Variants in CLNK observed in about 807,000 individuals in gnomAD.
CLNK encodes the protein cytokine-dependent hematopoietic cell linker.
A neutral mutation model predicts 68.6 loss-of-function variants in CLNK; 74 were observed. That is an observed-to-expected ratio of 1.08 (90% CI 0.89 to 1.31). CLNK has a LOEUF of 1.31. Ranked by LOEUF, CLNK falls within the 50% of genes most tolerant of loss-of-function variation. The pLI, the probability that CLNK is intolerant of heterozygous loss-of-function variation, is 0.00. For missense variants in CLNK, 553 were observed against 515.3 expected, an observed-to-expected ratio of 1.07 and a Z score of -0.71; for synonymous variants, 198 against 172.2, an observed-to-expected ratio of 1.15 and a Z score of -1.17.
At chr4:10,654,405 A>ATATATATATATATAT (rs1367370247) in intron 2 of CLNK, among the ~76,000 whole-genome samples, 22 of 117,050 alleles carry the variant, frequency 1.9e-4, no homozygotes, top group Non-Finnish European at 2.9e-4. Context: ...ATATATATAG[A>ATATATATATATATAT]AAGTCTCTTG....
rs143468120 is a variant in CLNK, at chr4:10,587,420, G to C, written c.84-2465C>G. On this transcript the variant is annotated intron_variant, in intron 3 of 18. Transcript: ENST00000226951. ...GCTACTTCGGTGAGCTTACTTGTTT[G>C]TGCCTTTAATAATCCCAGGCCTCTG... Among the ~76,000 whole-genome samples, 753 of 152,300 alleles carry C rather than the reference G, an allele frequency of 4.9e-3. 6 individuals are homozygous for C. Among genetic ancestry groups the C allele is most frequent in the African/African-American group, 0.018 (740 of 41,564 alleles).
intron 18 of CLNK, among the ~76,000 whole-genome samples, chr4:10,494,485 T>A (rs1716723360): frequency 6.9e-6 from 1 of 145,276 alleles, no homozygotes; most frequent in African/African-American, 2.5e-5. Context: ...TGAGATGGAG[T>A]CTCACTCTGT....
At chr4:10,690,333 C>G in the CLNK span, among the ~76,000 whole-genome samples, 1,385 of 152,236 alleles carry the variant, frequency 9.1e-3, 23 homozygotes, top group African/African-American at 0.032. Context: ...CCGGCAGAGG[C>G]AAAGGGGCAT....
the CLNK span, among the ~76,000 whole-genome samples, chr4:10,724,482 G>GTTT: frequency 8.4e-3 from 1,230 of 146,444 alleles, 13 homozygotes; most frequent in African/African-American, 0.019. Context: ...TTTTTAGTTA[G>GTTT]TTTTTTTTTT....
intron 2 of CLNK, among the ~76,000 whole-genome samples, chr4:10,633,071 G>T (rs964284620): frequency 3.3e-5 from 5 of 152,138 alleles, no homozygotes; most frequent in Non-Finnish European, 7.3e-5. Context: ...CTGAGTATCT[G>T]GGATTACAGG....
rs541816436 is a variant in CLNK at position 10,558,293 on chromosome 4, T to G, written c.445+114A>C. 6 of 810,820 alleles carry G rather than the reference T, an allele frequency of 7.4e-6. No homozygotes were observed. In the East Asian group the frequency reaches 1.2e-4, roughly 17 times the overall value. 50.2% of individuals were successfully genotyped at this position (810,820 alleles called of 1,614,324 possible). Reference sequence around the variant, plus strand: ...AGTTATTTCCTGAAGTGTAATTCAATAGATCACCTTGTGTAAGATCACCCA... The same window carrying G: ...AGTTATTTCCTGAAGTGTAATTCAAGAGATCACCTTGTGTAAGATCACCCA... On this transcript the variant is annotated intron_variant, in intron 8 of 18. Transcript: ENST00000226951.
At chr4:10,502,037 T>G (rs1313733177) in intron 17 of CLNK, among the ~76,000 whole-genome samples, 1 of 152,226 alleles carries the variant, frequency 6.6e-6, no homozygotes, top group African/African-American at 2.4e-5. Context: ...GATCTCTCAT[T>G]GCTCCTGCAG....
chr4:10,501,892 A>T (rs1221802812), intron 17 of CLNK, among the ~76,000 whole-genome samples: 1 of 152,238 alleles, frequency 6.6e-6, no homozygotes, highest in African/African-American at 2.4e-5. Flanking sequence ...GTGCCACTGC[A>T]CTTCAGCCTG....
the CLNK span, among the ~76,000 whole-genome samples, chr4:10,734,810 T>C: frequency 6.6e-6 from 1 of 152,044 alleles, no homozygotes; most frequent in Non-Finnish European, 1.5e-5. Context: ...CACGGGGACA[T>C]GAAGTTGTTA....
At chr4:10,492,096 G>A (rs921950447) in intron 18 of CLNK, among the ~76,000 whole-genome samples, 3 of 152,176 alleles carry the variant, frequency 2.0e-5, no homozygotes, top group Non-Finnish European at 1.5e-5. Flanking sequence ...TAGCAAGCCT[G>A]TGAGGTGAAC....
At chr4:10,731,126 G>C in the CLNK span, among the ~76,000 whole-genome samples, 1 of 152,094 alleles carries the variant, frequency 6.6e-6, no homozygotes, top group Non-Finnish European at 1.5e-5. Flanking sequence ...ATAAATTATT[G>C]TGAACTATAG....
the CLNK span, among the ~76,000 whole-genome samples, chr4:10,723,919 A>AGACAGAGAG: frequency 2.0e-5 from 3 of 148,016 alleles, no homozygotes; most frequent in South Asian, 2.2e-4. Flanking sequence ...AGAGAGAGAG[A>AGACAGAGAG]AGGCAGGGCA....
intron 16 of CLNK, among the ~76,000 whole-genome samples, chr4:10,509,095 G>T (rs1038042450): frequency 6.1e-5 from 6 of 98,156 alleles, no homozygotes; most frequent in Non-Finnish European, 5.6e-5. Flanking sequence ...GACAGAGTGA[G>T]ACTCGGTCTC....
At chr4:10,673,738 C>T (rs550023199) in intron 1 of CLNK, among the ~76,000 whole-genome samples, 1 of 151,692 alleles carries the variant, frequency 6.6e-6, no homozygotes, top group African/African-American at 2.4e-5. Context: ...AGAAGTAACC[C>T]CAACTCCCAC....
At chr4:10,504,464 TA>T (rs1417325446) in intron 17 of CLNK, among the ~76,000 whole-genome samples, 1 of 152,200 alleles carries the variant, frequency 6.6e-6, no homozygotes, top group Non-Finnish European at 1.5e-5. Flanking sequence ...GGAAAAATTT[TA>T]GTCTCATTTT....
At chr4:10,667,361 T>G (rs1406706091) in intron 2 of CLNK, among the ~76,000 whole-genome samples, 1 of 139,712 alleles carries the variant, frequency 7.2e-6, no homozygotes, top group Non-Finnish European at 1.5e-5. Flanking sequence ...CTTAAACTTT[T>G]GAGTCCTGCT....
chr4:10,643,754 A>T (rs1004837447), intron 2 of CLNK, among the ~76,000 whole-genome samples: 2 of 152,252 alleles, frequency 1.3e-5, no homozygotes, highest in African/African-American at 4.8e-5. Context: ...TCAGTGTCAC[A>T]AATACATGTC....
chr4:10,690,495 C>T, the CLNK span, among the ~76,000 whole-genome samples: 2 of 152,006 alleles, frequency 1.3e-5, no homozygotes, highest in African/African-American at 4.8e-5. Context: ...GTTTCTTTAC[C>T]TCTCCCAATT....
At chr4:10,557,335 C>T (rs1306406048) in intron 8 of CLNK, among the ~76,000 whole-genome samples, 1 of 152,112 alleles carries the variant, frequency 6.6e-6, no homozygotes, top group Non-Finnish European at 1.5e-5. Context: ...ACTGCCCTAT[C>T]CTCTCATTTC....
Sources: gnomAD v4.1 joint callset for allele counts (sites outside exome capture counted in the v4.1 genomes callset) on GRCh38, gnomAD v4.1.1 for gene constraint, MANE v1.5 for transcripts, NCBI Gene and HGNC (gene_info 2026-07-23, HGNC 2026-07-21) for gene names.